KCNJ15: variants seen among roughly 807,000 people sequenced by gnomAD.
KCNJ15 encodes the protein potassium inwardly rectifying channel subfamily J member 15.
KCNJ15 carries 14 observed loss-of-function variants against 23.0 expected under a neutral mutation model. The observed-to-expected ratio is 0.61, with a 90% CI of 0.40 to 0.95. KCNJ15 has a LOEUF of 0.95. Among genes scored for constraint, KCNJ15 ranks in the 40% least tolerant of loss-of-function variants. The probability of loss-of-function intolerance (pLI) is 0.00; values close to 1 mark genes in which losing one functional copy is unlikely to be tolerated. For missense variants in KCNJ15, 388 were observed against 461.8 expected, an observed-to-expected ratio of 0.84 and a Z score of 1.46; for synonymous variants, 185 against 183.2, an observed-to-expected ratio of 1.01 and a Z score of -0.08.
At chr21:38,277,645 G>A (rs1052785513) in intron 1 of KCNJ15, among the ~76,000 whole-genome samples, 3 of 152,104 alleles carry the variant, frequency 2.0e-5, no homozygotes, top group Non-Finnish European at 2.9e-5. Flanking sequence ...TTCCAAGAGG[G>A]TCTGAGTCAG....
At chr21:38,281,488 T>G (rs1036389160) in intron 1 of KCNJ15, among the ~76,000 whole-genome samples, 1 of 152,186 alleles carries the variant, frequency 6.6e-6, no homozygotes, top group African/African-American at 2.4e-5. Context: ...TGCTCAGTGT[T>G]TAGCTCCTTC....
At chr21:38,247,789 T>C (rs1423319016) in intron 1 of KCNJ15, among the ~76,000 whole-genome samples, 1 of 152,220 alleles carries the variant, frequency 6.6e-6, no homozygotes, top group Non-Finnish European at 1.5e-5. Flanking sequence ...TTCTCATATG[T>C]TCCCCATAAA....
At chr21:38,282,452 A>G (rs1424761822) in intron 1 of KCNJ15, among the ~76,000 whole-genome samples, 1 of 152,184 alleles carries the variant, frequency 6.6e-6, no homozygotes, top group Non-Finnish European at 1.5e-5. Context: ...AGAGATGTAC[A>G]ACTAATTTTC....
At position 38,300,873 on chromosome 21, in the gene KCNJ15, T is replaced by G. The variant is rs1277477484; in HGVS notation, c.*484T>G. 5.9e-6 allele frequency: 1 copy of G among 168,546 alleles called. No homozygotes were observed. The highest frequency in any genetic ancestry group is 2.4e-5 in the African/African-American group (1 of 41,474). The allele number at this position is 168,546 out of a possible 1,614,324, so 10.4% of individuals were successfully genotyped here. A position where few individuals can be genotyped will look rare whatever the true frequency, so the allele number is the denominator to read the frequency against. ...AAGCAGGAAAAATATTATATCTAAT[T>G]ATGTCTATGTGGTAATACCTAAAAA... On this transcript the variant is annotated 3_prime_UTR_variant, in exon 3 of 3. Coordinates refer to ENST00000398938, the MANE Select transcript of KCNJ15 (RefSeq NM_170736.3).
At position 38,306,260 on chromosome 21, in the gene KCNJ15, T is replaced by G. The variant is rs967972512; in HGVS notation, c.*5871T>G. On this transcript the variant is annotated 3_prime_UTR_variant, in exon 3 of 3. Coordinates refer to ENST00000398938, the MANE Select transcript of KCNJ15 (RefSeq NM_170736.3). ...CTGGTGTCCATGCCTTCCCACCTAC[T>G]TAAAATTTCAAATTTCACCCTCAAA... 1 of 152,122 alleles carries G rather than the reference T, an allele frequency of 6.6e-6. No individual in the cohort carries two copies. The highest frequency in any genetic ancestry group is 2.4e-5 in the African/African-American group (1 of 41,420). 9.4% of individuals were successfully genotyped at this position (152,122 alleles called of 1,614,324 possible). A position where few individuals can be genotyped will look rare whatever the true frequency, so the allele number is the denominator to read the frequency against.
intron 1 of KCNJ15, among the ~76,000 whole-genome samples, chr21:38,290,116 A>C (rs1876357834): frequency 6.6e-6 from 1 of 152,228 alleles, no homozygotes. Flanking sequence ...AAAGGGCCTG[A>C]AATTAAACTG....
At chr21:38,294,389 A>T (rs1387322125) in intron 1 of KCNJ15, among the ~76,000 whole-genome samples, 1 of 152,308 alleles carries the variant, frequency 6.6e-6, no homozygotes, top group Non-Finnish European at 1.5e-5. Context: ...TTTATGCCTC[A>T]TCACCCTGGT....
chr21:38,288,937 C>T (rs913173072), intron 1 of KCNJ15, among the ~76,000 whole-genome samples: 5 of 152,136 alleles, frequency 3.3e-5, no homozygotes, highest in Admixed American at 6.5e-5. Flanking sequence ...CGGTGGCTCA[C>T]GCCTGTAATC....
chr21:38,273,102 C>T (rs1256965677), intron 1 of KCNJ15, among the ~76,000 whole-genome samples: 2 of 152,072 alleles, frequency 1.3e-5, no homozygotes, highest in Non-Finnish European at 2.9e-5. Flanking sequence ...GTAAATGCAG[C>T]GGTTAGAAAA....
intron 1 of KCNJ15, among the ~76,000 whole-genome samples, chr21:38,232,143 T>TG (rs1250266893): frequency 6.6e-6 from 1 of 151,642 alleles, no homozygotes; most frequent in African/African-American, 2.4e-5. Flanking sequence ...AGAGGTTTTT[T>TG]TTTTTTTAAG....
chr21:38,274,894 T>G (rs1056388250), intron 1 of KCNJ15, among the ~76,000 whole-genome samples: 3 of 152,188 alleles, frequency 2.0e-5, no homozygotes, highest in African/African-American at 7.2e-5. Context: ...TATTTTTCTT[T>G]TTTTTGCAGT....
chr21:38,259,007 G>A (rs1980587526), intron 1 of KCNJ15, among the ~76,000 whole-genome samples: 1 of 150,192 alleles, frequency 6.7e-6, no homozygotes, highest in African/African-American at 2.4e-5. Context: ...CTTGGGGCGT[G>A]TGTGTGTGTG....
intron 1 of KCNJ15, among the ~76,000 whole-genome samples, chr21:38,269,337 G>A (rs898486133): frequency 1.6e-4 from 25 of 152,028 alleles, no homozygotes; most frequent in African/African-American, 4.3e-4. Context: ...TATAAAAGGC[G>A]TTATACCCTA....
intron 1 of KCNJ15, among the ~76,000 whole-genome samples, chr21:38,244,380 A>G (rs749605855): frequency 1.2e-4 from 19 of 152,324 alleles, no homozygotes; most frequent in South Asian, 4.2e-4. Context: ...ATACCAGGGA[A>G]GCAGGGACCA....
chr21:38,292,493 T>C (rs1984704070), intron 1 of KCNJ15, among the ~76,000 whole-genome samples: 1 of 152,220 alleles, frequency 6.6e-6, no homozygotes, highest in Non-Finnish European at 1.5e-5. Flanking sequence ...CCTAAAAAGC[T>C]ATCTTGTCAT....
Position 38,307,179 on chromosome 21 carries a change from T to C in KCNJ15, c.*6790T>C, listed in dbSNP as rs1986086326. The C allele has an allele frequency of 6.6e-6, 1 of 152,222 alleles. No homozygotes were observed. The highest frequency in any genetic ancestry group is 2.1e-4 in the South Asian group (1 of 4,834). 9.4% of individuals were successfully genotyped at this position (152,222 alleles called of 1,614,324 possible). A position where few individuals can be genotyped will look rare whatever the true frequency, so the allele number is the denominator to read the frequency against. On this transcript the variant is annotated 3_prime_UTR_variant, in exon 3 of 3. Transcript: ENST00000398938. ...ACTCTGTCATCACTGAACCCAATCA[T>C]ACAATGACCAGACAGCTTTAAATAC...
upstream of KCNJ15, among the ~76,000 whole-genome samples, chr21:38,252,864 T>C (rs545695159): frequency 6.6e-6 from 1 of 152,288 alleles, no homozygotes; most frequent in South Asian, 2.1e-4. Flanking sequence ...TGAGAGCCCA[T>C]TCCTGTGCTT....
intron 2 of KCNJ15, among the ~76,000 whole-genome samples, chr21:38,297,331 C>G (rs535316357): frequency 6.6e-6 from 1 of 152,340 alleles, no homozygotes; most frequent in South Asian, 2.1e-4. Context: ...AAGAGAGTTT[C>G]AAACAGAAGC....
Position 38,299,438 on chromosome 21 carries a change from C to G in KCNJ15, c.177C>G (p.Ile59Met), listed in dbSNP as rs781104281. 6.2e-7 allele frequency: 1 copy of G among 1,614,146 alleles called. No homozygotes were observed. Among genetic ancestry groups the G allele is most frequent in the Non-Finnish European group, 8.5e-7 (1 of 1,180,024 alleles). ...LYLQDLWTTVIDMKWRYKLTL... is the reference protein window; with the variant it reads ...LYLQDLWTTVMDMKWRYKLTL... Reference sequence around the variant, plus strand: ...TGCAAGACCTGTGGACCACAGTTATCGACATGAAGTGGAGATACAAACTCA... The same window carrying G: ...TGCAAGACCTGTGGACCACAGTTATGGACATGAAGTGGAGATACAAACTCA... Residue 59 changes from isoleucine to methionine, a missense_variant, in exon 3 of 3, where the codon ATC (isoleucine) becomes ATG (methionine). Physicochemically the swap from Ile to Met is conservative, Grantham distance 10. Transcript: ENST00000398938. This position sits in a 1 kb window ranked among gnomAD's most constrained non-coding sequence, Gnocchi z 4.5.
Sources: allele counts gnomAD v4.1 joint callset (sites outside exome capture counted in the v4.1 genomes callset), GRCh38; gene constraint gnomAD v4.1.1; non-coding constraint Gnocchi (gnomAD v3.1); transcripts MANE v1.5; gene names NCBI Gene and HGNC (gene_info 2026-07-23, HGNC 2026-07-21).